The following RSU1 variants were observed in gnomAD, a reference collection of about 807,000 sequenced individuals.
RSU1 encodes the protein Ras suppressor protein 1, also known as rsu-1.
Under a neutral mutation model 31.1 loss-of-function variants are expected in RSU1, and 26 were observed. The observed-to-expected ratio is 0.84, with a 90% CI of 0.61 to 1.16. The LOEUF is 1.16. RSU1 is among the 50% of genes most tolerant of loss of function. RSU1 has a pLI of 0.00. For missense variants in RSU1, 320 were observed against 339.1 expected (o/e 0.94, Z 0.44); for synonymous variants, 164 against 136.3 (o/e 1.20, Z -1.41).
chr10:16,596,593 G>C (rs1391538662), intron 8 of RSU1, among the ~76,000 whole-genome samples: 1 of 152,220 alleles, frequency 6.6e-6, no homozygotes, highest in Non-Finnish European at 1.5e-5. Context: ...GGCCTAGGTA[G>C]CTTCAGCTAC....
chr10:16,597,943 T>C (rs1428990973), intron 8 of RSU1, among the ~76,000 whole-genome samples: 1 of 152,194 alleles, frequency 6.6e-6, no homozygotes, highest in African/African-American at 2.4e-5. Flanking sequence ...CGGCCATAAG[T>C]GGCCGTTTTC....
chr10:16,741,898 G>C (rs1229346134), intron 7 of RSU1, among the ~76,000 whole-genome samples: 2 of 152,092 alleles, frequency 1.3e-5, no homozygotes, highest in African/African-American at 2.4e-5. Context: ...TTGTGCAGCT[G>C]TTTCTTTCTT....
intron 8 of RSU1, among the ~76,000 whole-genome samples, chr10:16,647,698 T>A (rs998946438): frequency 6.6e-6 from 1 of 152,068 alleles, no homozygotes; most frequent in Non-Finnish European, 1.5e-5. Context: ...ATGCTAAGGG[T>A]TGTGGCATCT....
intron 2 of RSU1, among the ~76,000 whole-genome samples, chr10:16,796,845 A>C (rs1162037791): frequency 6.6e-6 from 1 of 152,178 alleles, no homozygotes; most frequent in African/African-American, 2.4e-5. Context: ...CTAGGTTATA[A>C]AGTGTCCCCA....
At chr10:16,758,453 C>A (rs1324593776) in intron 4 of RSU1, among the ~76,000 whole-genome samples, 1 of 152,166 alleles carries the variant, frequency 6.6e-6, no homozygotes, top group Admixed American at 6.5e-5. Flanking sequence ...TCAAGGTTTC[C>A]ATGAGAGGCT....
chr10:16,793,506 C>T (rs916590950), intron 2 of RSU1, among the ~76,000 whole-genome samples: 4 of 152,166 alleles, frequency 2.6e-5, no homozygotes, highest in Non-Finnish European at 4.4e-5. Context: ...ACCCAAGACA[C>T]TGGTATTTAA....
At chr10:16,678,249 C>T (rs1263354643) in intron 8 of RSU1, among the ~76,000 whole-genome samples, 1 of 152,168 alleles carries the variant, frequency 6.6e-6, no homozygotes, top group Non-Finnish European at 1.5e-5. Context: ...GAATGACCAT[C>T]TTTTCTCATT....
At chr10:16,684,600 G>C (rs1047041642) in intron 8 of RSU1, among the ~76,000 whole-genome samples, 13 of 152,078 alleles carry the variant, frequency 8.5e-5, no homozygotes, top group African/African-American at 2.9e-4. Flanking sequence ...AAGGAGAGAG[G>C]CCTTAGACAA....
At chr10:16,656,954 G>A (rs1032604006) in intron 8 of RSU1, among the ~76,000 whole-genome samples, 6 of 152,158 alleles carry the variant, frequency 3.9e-5, no homozygotes, top group Non-Finnish European at 5.9e-5. Flanking sequence ...TAGAAGAACC[G>A]TCCACACAAG....
intron 7 of RSU1, among the ~76,000 whole-genome samples, chr10:16,738,869 C>G (rs570035606): frequency 1.3e-5 from 2 of 151,662 alleles, no homozygotes; most frequent in Admixed American, 1.3e-4. Context: ...TGCCCCCCAC[C>G]CCCCCAGCGG....
chr10:16,622,552 C>T (rs371157759), intron 8 of RSU1, among the ~76,000 whole-genome samples: 9 of 152,260 alleles, frequency 5.9e-5, no homozygotes, highest in East Asian at 1.9e-4. Context: ...GGTTTACACA[C>T]ACACATACAC....
At chr10:16,729,505 T>C (rs1836460706) in intron 7 of RSU1, among the ~76,000 whole-genome samples, 1 of 151,990 alleles carries the variant, frequency 6.6e-6, no homozygotes, top group Non-Finnish European at 1.5e-5. Flanking sequence ...CAAGGAAGGT[T>C]AACTGTATGC....
intron 2 of RSU1, among the ~76,000 whole-genome samples, chr10:16,789,129 G>C (rs1192762804): frequency 6.6e-6 from 1 of 152,210 alleles, no homozygotes; most frequent in Non-Finnish European, 1.5e-5. Flanking sequence ...AGGGAAAACT[G>C]GTTCTTTTCA....
chr10:16,760,100 A>G (rs990086678), intron 4 of RSU1, among the ~76,000 whole-genome samples: 3 of 152,092 alleles, frequency 2.0e-5, no homozygotes, highest in Admixed American at 2.0e-4. Context: ...AACTCCGTCT[A>G]TGTAGCTATG....
At chr10:16,602,349 C>G (rs1588668791) in intron 8 of RSU1, among the ~76,000 whole-genome samples, 1 of 152,176 alleles carries the variant, frequency 6.6e-6, no homozygotes, top group African/African-American at 2.4e-5. Context: ...TATTCACTGT[C>G]GCAACAACCC....
At chr10:16,715,019 G>A (rs1024775908) in intron 7 of RSU1, among the ~76,000 whole-genome samples, 1 of 152,188 alleles carries the variant, frequency 6.6e-6, no homozygotes, top group Non-Finnish European at 1.5e-5. Flanking sequence ...AGCACCCCAT[G>A]ACTGCCAAGT....
In RSU1 at chr10:16,744,155, A is replaced by C. The variant is rs527263395; in HGVS notation, c.598+8384T>G. Among the ~76,000 whole-genome samples the C allele has an allele frequency of 3.9e-5, 6 of 152,056 alleles. No homozygotes were observed. In the South Asian group the frequency reaches 1.2e-3, roughly 32 times the overall value. On this transcript the variant is annotated intron_variant, in intron 7 of 8. Transcript: ENST00000345264. ...TCAAAAAAAAAAAAAAGAAAGAAAG[A>C]AAAGATTTCATATAAGAGCTGAACT... is the stretch of plus-strand genomic sequence containing the variant.
Position 16,656,097 on chromosome 10 carries a change from AT to A in RSU1, c.731+38925del, listed in dbSNP as rs58082764. On this transcript the variant is annotated intron_variant, in intron 8 of 8. Coordinates refer to ENST00000345264, the MANE Select transcript of RSU1 (RefSeq NM_012425.4). ...GAAATTTACATGTTGTTAGAAAAAA[AT>A]AAATTAGGTTGCACATAATAATTAG... is the stretch of plus-strand genomic sequence containing the variant. Among the ~76,000 whole-genome samples, 633 of 152,356 alleles carry A rather than the reference AT, an allele frequency of 4.2e-3. 3 individuals are homozygous for A. The highest frequency in any genetic ancestry group is 0.014 in the African/African-American group (597 of 41,582).
intron 7 of RSU1, among the ~76,000 whole-genome samples, chr10:16,702,149 G>A (rs568650219): frequency 1.4e-4 from 21 of 152,310 alleles, no homozygotes; most frequent in African/African-American, 2.4e-4. Context: ...AATTGAAGAC[G>A]GGAAGCCTCT....
Sources: gnomAD v4.1 joint callset for allele counts (sites outside exome capture counted in the v4.1 genomes callset) on GRCh38, gnomAD v4.1.1 for gene constraint, MANE v1.5 for transcripts, NCBI Gene and HGNC (gene_info 2026-07-23, HGNC 2026-07-21) for gene names.